The following CNBD1 variants were observed in gnomAD, a reference collection of about 807,000 sequenced individuals.
CNBD1 encodes the protein cyclic nucleotide binding domain containing 1, also known as cyclic nucleotide-binding domain-containing protein 1.
In CNBD1, 71 loss-of-function variants were observed where a neutral mutation model predicts 54.4. That is an observed-to-expected ratio of 1.30 (90% confidence interval 1.08 to 1.59). The LOEUF is 1.59. CNBD1 is among the 40% of genes most tolerant of loss of function. The pLI is 0.00. For missense variants in CNBD1, 659 were observed against 518.0 expected (o/e 1.27, Z -2.64); for synonymous variants, 182 against 170.7 (o/e 1.07, Z -0.51).
At chr8:86,910,317 C>T (rs2131813879) in intron 3 of CNBD1, among the ~76,000 whole-genome samples, 1 of 152,266 alleles carries the variant, frequency 6.6e-6, no homozygotes, top group East Asian at 1.9e-4. Context: ...CCAATTCCCT[C>T]TTGGTGATTG....
At chr8:87,031,861 C>CTCCTGA (rs1809800651) in intron 4 of CNBD1, among the ~76,000 whole-genome samples, 1 of 152,156 alleles carries the variant, frequency 6.6e-6, no homozygotes, top group African/African-American at 2.4e-5. Flanking sequence ...TAGCCTCAGC[C>CTCCTGA]TCCTGAGTAG....
At chr8:87,134,887 G>T (rs1357635407) in intron 4 of CNBD1, among the ~76,000 whole-genome samples, 2 of 151,962 alleles carry the variant, frequency 1.3e-5, no homozygotes, top group African/African-American at 4.8e-5. Flanking sequence ...GGGATTACAG[G>T]CGTGAGCCAC....
rs116950702 is a variant in CNBD1, at chr8:87,380,508, A to G, written c.1304-2112A>G. Among the ~76,000 whole-genome samples the G allele has an allele frequency of 4.7e-3, 720 of 151,966 alleles. 3 individuals carry two copies. The highest frequency in any genetic ancestry group is 8.0e-3 in the Non-Finnish European group (543 of 67,896). ...TTGATTTGGTTATGTGTAATTTTTT[A>G]TGGTTCCATATGAAATAAAAAATTG... On this transcript the variant is annotated intron_variant, in intron 10 of 10. Transcript: ENST00000518476.
Position 87,379,286 on chromosome 8 carries a change from A to T in CNBD1, c.1304-3334A>T, listed in dbSNP as rs538530263. On this transcript the variant is annotated intron_variant, in intron 10 of 10. Transcript: ENST00000518476. ...GACTCCCACACATTAATAATGGGAGACTTTAACACCCCACTGTCAACATTA... is the reference window on the plus strand; with the variant it reads ...GACTCCCACACATTAATAATGGGAGTCTTTAACACCCCACTGTCAACATTA... Among the ~76,000 whole-genome samples the T allele has an allele frequency of 2.6e-5, 4 of 152,062 alleles. No individual in the cohort carries two copies. In the South Asian group the frequency reaches 8.3e-4, roughly 31 times the overall value.
At chr8:87,089,521 G>A (rs2130677251) in intron 4 of CNBD1, among the ~76,000 whole-genome samples, 1 of 152,196 alleles carries the variant, frequency 6.6e-6, no homozygotes, top group African/African-American at 2.4e-5. Flanking sequence ...GGTTTGTCTG[G>A]ATTTGTTGGG....
chr8:86,962,813 A>T (rs1807966393), intron 4 of CNBD1, among the ~76,000 whole-genome samples: 1 of 151,964 alleles, frequency 6.6e-6, no homozygotes, highest in Non-Finnish European at 1.5e-5. Flanking sequence ...CAAAAAACAA[A>T]ACAGAAGCTA....
chr8:87,109,412 C>A (rs906462079), intron 4 of CNBD1, among the ~76,000 whole-genome samples: 5 of 151,946 alleles, frequency 3.3e-5, no homozygotes, highest in African/African-American at 1.2e-4. Context: ...TTTATTAATA[C>A]CTGATGGCAT....
At chr8:87,301,686 A>G (rs1447616020) in intron 8 of CNBD1, among the ~76,000 whole-genome samples, 1 of 152,120 alleles carries the variant, frequency 6.6e-6, no homozygotes, top group Admixed American at 6.6e-5. Flanking sequence ...CCTTCAAAAA[A>G]TCAATGAATC....
At chr8:87,384,890 G>A (rs559330114), downstream of CNBD1, among the ~76,000 whole-genome samples, 3 of 152,262 alleles carry the variant, frequency 2.0e-5, no homozygotes, top group East Asian at 1.9e-4. Context: ...ATGAGTGAAA[G>A]GGGACATTGT....
chr8:86,984,054 T>C (rs1207420915), intron 4 of CNBD1, among the ~76,000 whole-genome samples: 1 of 152,160 alleles, frequency 6.6e-6, no homozygotes, highest in African/African-American at 2.4e-5. Flanking sequence ...AACGGTTTCA[T>C]GGGCTGGGCC....
At chr8:87,217,319 A>G (rs1017820856) in intron 5 of CNBD1, among the ~76,000 whole-genome samples, 3 of 152,112 alleles carry the variant, frequency 2.0e-5, no homozygotes, top group African/African-American at 7.2e-5. Flanking sequence ...GGGAAAATGA[A>G]TCAAATCGTC....
Position 87,099,858 on chromosome 8 carries a change from T to C in CNBD1, c.432-106135T>C, listed in dbSNP as rs1051054153. ...GAATTCAGAGAAAGTAGCTATAAAT[T>C]TGGAAATTTTTAAAGCAACTAGATT... On this transcript the variant is annotated intron_variant, in intron 4 of 10. Coordinates refer to ENST00000518476, the MANE Select transcript of CNBD1 (RefSeq NM_173538.3). 2.6e-5 allele frequency among the ~76,000 whole-genome samples: 4 copies of C among 152,126 alleles called. No homozygotes were observed. The East Asian group carries it at 7.7e-4, about 29-fold the overall frequency.
At chr8:86,920,779 G>A (rs1048331830) in intron 3 of CNBD1, among the ~76,000 whole-genome samples, 4 of 152,116 alleles carry the variant, frequency 2.6e-5, no homozygotes, top group Non-Finnish European at 5.9e-5. Context: ...CCAATTGCTC[G>A]AATTAAAGAA....
intron 10 of CNBD1, among the ~76,000 whole-genome samples, chr8:87,377,584 G>C (rs1015457209): frequency 5.9e-5 from 9 of 151,588 alleles, no homozygotes; most frequent in Non-Finnish European, 1.2e-4. Context: ...CCAAGTCTTT[G>C]CTATCGTGAA....
intron 3 of CNBD1, among the ~76,000 whole-genome samples, chr8:86,926,176 C>T (rs1809357373): frequency 6.6e-6 from 1 of 152,164 alleles, no homozygotes; most frequent in Non-Finnish European, 1.5e-5. Context: ...CAAGTCCCCA[C>T]TTGACCCAGG....
At chr8:86,881,045 A>G (rs886355632) in intron 1 of CNBD1, among the ~76,000 whole-genome samples, 6 of 152,252 alleles carry the variant, frequency 3.9e-5, no homozygotes, top group Admixed American at 6.5e-5. Context: ...TAAGAACCCT[A>G]TATGAAAAAC....
At chr8:87,332,961 G>A (rs1048989995) in intron 8 of CNBD1, among the ~76,000 whole-genome samples, 7 of 152,120 alleles carry the variant, frequency 4.6e-5, no homozygotes, top group Admixed American at 1.3e-4. Context: ...ATTACTTTGG[G>A]CAGTATGGTC....
chr8:87,406,707 T>A (rs1433060743), intron 2 of CNBD1, among the ~76,000 whole-genome samples: 1 of 152,040 alleles, frequency 6.6e-6, no homozygotes, highest in East Asian at 1.9e-4. Context: ...CTCAAACTGC[T>A]GACCTTGTGA....
intron 1 of CNBD1, among the ~76,000 whole-genome samples, chr8:86,879,878 AAG>A (rs1457608011): frequency 1.2e-4 from 16 of 137,830 alleles, no homozygotes; most frequent in African/African-American, 2.2e-4. Context: ...TCAAAAAAAA[AAG>A]GAAAAAAGAA....
Sources: gnomAD v4.1 joint callset for allele counts (sites outside exome capture counted in the v4.1 genomes callset) on GRCh38, gnomAD v4.1.1 for gene constraint, MANE v1.5 for transcripts, NCBI Gene and HGNC (gene_info 2026-07-23, HGNC 2026-07-21) for gene names.